Variants in MXD3 observed in about 807,000 individuals in gnomAD.
MXD3 encodes the protein MAX dimerization protein 3, also known as Max-associated protein 3.
In MXD3, 20 loss-of-function variants were observed where a neutral mutation model predicts 27.5. That is an observed-to-expected ratio of 0.73 (90% CI 0.51 to 1.06). The LOEUF (loss-of-function observed/expected upper bound fraction) is 1.06. Ranked by LOEUF, MXD3 falls within the 50% of genes least tolerant of loss-of-function variation. MXD3 has a pLI of 0.00. For missense variants in MXD3, 298 were observed against 291.3 expected, an observed-to-expected ratio of 1.02 and a Z score of -0.17; for synonymous variants, 150 against 130.7, an observed-to-expected ratio of 1.15 and a Z score of -1.01.
At chr5:177,309,653 C>T (rs1760986041) in intron 4 of MXD3, among the ~76,000 whole-genome samples, 1 of 152,254 alleles carries the variant, frequency 6.6e-6, no homozygotes. Context: ...AACCAGTGCT[C>T]AGTAAACACT....
downstream of MXD3, chr5:177,306,752 G>A (rs1760889370): frequency 2.8e-6 from 3 of 1,053,650 alleles, no homozygotes; most frequent in South Asian, 4.8e-5. Context: ...AGCCAGGTCT[G>A]CTTATTCTCC....
In MXD3 at chr5:177,311,235, T is replaced by C. The variant is rs1314074529; in HGVS notation, c.176+144A>G. The C allele has an allele frequency of 9.4e-6, 5 of 530,966 alleles. No individual in the cohort carries two copies. In the East Asian group the frequency reaches 1.7e-4, roughly 18 times the overall value. 32.9% of individuals were successfully genotyped at this position (530,966 alleles called of 1,614,324 possible). A position where few individuals can be genotyped will look rare whatever the true frequency, so the allele number is the denominator to read the frequency against. On this transcript the variant is annotated intron_variant, in intron 2 of 5. Coordinates refer to ENST00000439742, the MANE Select transcript of MXD3 (RefSeq NM_031300.4). ...GAAAGGTGTGAGTGTGTTTGGAGAG[T>C]GGGGAGATGGCAGGAGGGGTCTGAA...
intron 2 of MXD3, 160 bp from the exon 3 acceptor site, chr5:177,310,857 G>C: frequency 1.3e-6 from 1 of 777,102 alleles, no homozygotes; most frequent in Non-Finnish European, 2.1e-6. Flanking sequence ...CCCCTGGCAG[G>C]GCGAGGGGAG....
rs1357696176 is a variant in MXD3, at chr5:177,307,308, C to G, written c.*280G>C. The stretch of plus-strand genomic sequence containing the variant: ...GGAAGAGGCCCAAGAGGCTTCCTGT[C>G]CCCTTGGGGGCAGCAGAGCCAAATG... On this transcript the variant is annotated 3_prime_UTR_variant, in exon 6 of 6. Transcript: ENST00000439742. 1.3e-6 allele frequency: 2 copies of G among 1,548,294 alleles called. No homozygotes were observed. The highest frequency in any genetic ancestry group is 1.7e-6 in the Non-Finnish European group (2 of 1,144,854).
chr5:177,306,693 G>A, downstream of MXD3: 1 of 1,403,002 alleles, frequency 7.1e-7, no homozygotes, highest in Non-Finnish European at 9.6e-7. Flanking sequence ...GTGGGTTGTG[G>A]GGATGCAGTT....
At chr5:177,310,064 C>T (rs1760996762) in intron 4 of MXD3, among the ~76,000 whole-genome samples, 1 of 152,218 alleles carries the variant, frequency 6.6e-6, no homozygotes, top group Non-Finnish European at 1.5e-5. Flanking sequence ...AGGACCCCCA[C>T]ATACATCCCA....
chr5:177,311,947 C>G, upstream of MXD3: 1 of 1,215,334 alleles, frequency 8.2e-7, no homozygotes, highest in Non-Finnish European at 1.1e-6. Context: ...GCCCCGCCCC[C>G]GGGACGCCCC....
chr5:177,310,032 G>C (rs530939729), intron 4 of MXD3, among the ~76,000 whole-genome samples: 34 of 152,250 alleles, frequency 2.2e-4, no homozygotes, highest in African/African-American at 7.7e-4. Context: ...GGGAGAGCAA[G>C]GACCAACCCT....
chr5:177,311,998 A>T, upstream of MXD3: 2 of 1,280,854 alleles, frequency 1.6e-6, no homozygotes, highest in Non-Finnish European at 2.0e-6. Flanking sequence ...CCCCTCTGGA[A>T]CCCGCCACGG....
At chr5:177,306,160 C>T (rs767440167), downstream of MXD3, 16 of 1,613,602 alleles carry the variant, frequency 9.9e-6, no homozygotes, top group South Asian at 1.8e-4. Flanking sequence ...TTGAATATAT[C>T]TTGGCTAAGC....
chr5:177,310,368 A>G, intron 4 of MXD3, 58 bp downstream of exon 4: 1 of 1,413,074 alleles, frequency 7.1e-7, no homozygotes, highest in Non-Finnish European at 9.7e-7. Flanking sequence ...CAGCCCCTCC[A>G]TAGCACAGCC....
At position 177,307,833 on chromosome 5, in the gene MXD3, C is replaced by T. The variant is rs772789155; in HGVS notation, c.453G>A (p.Ala151=). The change falls in exon 5 of 6, where the codon GCG becomes GCA. Residue 151 remains alanine (A), a synonymous_variant. Transcript: ENST00000439742. ...AGAGGCCTGAGGAGTCCAGACTGTC[C>T]GCCCGCAGCCGCTCCCGCTCGGCCG... ...AGAAERERLR[A]DSLDSSGLSS... 80 of 1,611,424 alleles carry T rather than the reference C, an allele frequency of 5.0e-5. No individual in the cohort carries two copies. The highest frequency in any genetic ancestry group is 3.3e-4 in the East Asian group (15 of 44,864).
intron 4 of MXD3, among the ~76,000 whole-genome samples, 193 bp downstream of exon 4, chr5:177,310,233 C>G (rs1581591273): frequency 6.6e-6 from 1 of 152,256 alleles, no homozygotes. Flanking sequence ...TAAGCCTCAA[C>G]AACCCTCTGA....
At position 177,310,413 on chromosome 5, in the gene MXD3, T is replaced by TG. The variant is rs751534059; in HGVS notation, c.321+12dup. 1.0e-5 allele frequency: 16 copies of TG among 1,604,958 alleles called. No homozygotes were observed. Among genetic ancestry groups the TG allele is most frequent in the East Asian group, 2.2e-5 (1 of 44,742 alleles). On this transcript the variant is annotated intron_variant, in intron 4 of 5. Transcript: ENST00000439742. ...CCAGGGCAAGCCAGTCCGGGCGCAG[T>TG]GGGGGGCCTCACCTGGATGTGCATC...
At chr5:177,306,996 T>G (rs1760895691), downstream of MXD3, 20 of 1,400,866 alleles carry the variant, frequency 1.4e-5, no homozygotes, top group Non-Finnish European at 1.7e-5. Context: ...GAATCTTGGC[T>G]TCACTGTTTT....
Position 177,311,007 on chromosome 5 carries a change from G to A in MXD3, c.177-310C>T, listed in dbSNP as rs1344902634. 3 of 572,124 alleles carry A rather than the reference G, an allele frequency of 5.2e-6. No individual in the cohort carries two copies. In the East Asian group the frequency reaches 8.7e-5, roughly 17 times the overall value. The allele number at this position is 572,124 out of a possible 1,614,324, so 35.4% of individuals were successfully genotyped here. On this transcript the variant is annotated intron_variant, in intron 2 of 5. Coordinates refer to ENST00000439742, the MANE Select transcript of MXD3 (RefSeq NM_031300.4). ...TGCGGAAACAGATGTTTCCCAAGCC[G>A]GTACTGGAGGGAGGGGCATTCAAAT... is the stretch of plus-strand genomic sequence containing the variant.
downstream of MXD3, chr5:177,307,104 GC>G (rs1189582481): frequency 1.5e-5 from 23 of 1,494,688 alleles, no homozygotes; most frequent in Non-Finnish European, 1.9e-5. Flanking sequence ...GCACTGCCTG[GC>G]ACGGCCAACA....
chr5:177,310,820 G>C lies in MXD3; in HGVS notation c.177-123C>G, dbSNP rs185963189. 5,187 of 1,111,772 alleles carry C rather than the reference G, an allele frequency of 4.7e-3. 30 individuals are homozygous for C. Among genetic ancestry groups the C allele is most frequent in the Middle Eastern group, 0.025 (114 of 4,558 alleles). 68.9% of individuals were successfully genotyped at this position (1,111,772 alleles called of 1,614,324 possible). On this transcript the variant is annotated intron_variant, in intron 2 of 5. Coordinates refer to ENST00000439742, the MANE Select transcript of MXD3 (RefSeq NM_031300.4). ...GCCCCAAACAAGTCCCCTGTGGAGA[G>C]CTCATGCTGGCCTCAGACACCAGAG...
chr5:177,307,725 C>A, intron 5 of MXD3, 22 bp from the exon 6 acceptor site: 8 of 1,613,708 alleles, frequency 5.0e-6, no homozygotes, highest in Non-Finnish European at 6.8e-6. Flanking sequence ...GGGGTCCGGT[C>A]AGAAGACCTG....
Sources: allele counts gnomAD v4.1 joint callset (sites outside exome capture counted in the v4.1 genomes callset), GRCh38; gene constraint gnomAD v4.1.1; transcripts MANE v1.5; gene names NCBI Gene and HGNC (gene_info 2026-07-23, HGNC 2026-07-21).